YY1AP1: variants seen among roughly 807,000 people sequenced by gnomAD.
YY1AP1 encodes YY1 associated protein 1.
Under a neutral mutation model 39.9 loss-of-function variants are expected in YY1AP1, and 43 were observed. That is an observed-to-expected ratio of 1.08 (90% CI 0.84 to 1.39). The LOEUF (loss-of-function observed/expected upper bound fraction) is 1.39, where lower values mean the gene tolerates loss of function less well. Ranked by LOEUF, YY1AP1 falls within the 40% of genes most tolerant of loss-of-function variation. The probability of loss-of-function intolerance (pLI) is 0.00; values close to 1 mark genes in which losing one functional copy is unlikely to be tolerated. For missense variants in YY1AP1, 813 were observed against 900.7 expected, an observed-to-expected ratio of 0.90 and a Z score of 1.25; for synonymous variants, 292 against 331.3, an observed-to-expected ratio of 0.88 and a Z score of 1.29.
intron 9 of YY1AP1, among the ~76,000 whole-genome samples, chr1:155,663,478 T>C (rs997746846): frequency 2.6e-5 from 4 of 152,002 alleles, no homozygotes; most frequent in African/African-American, 9.7e-5. Flanking sequence ...CCCAGCACTC[T>C]GGGAGGCTGA....
At chr1:155,672,008 C>T (rs912525465) in intron 7 of YY1AP1, among the ~76,000 whole-genome samples, 1 of 152,226 alleles carries the variant, frequency 6.6e-6, no homozygotes, top group African/African-American at 2.4e-5. Flanking sequence ...TCAAAAAATA[C>T]TAAACCAATG....
Position 155,667,144 on chromosome 1 carries a change from C to T in YY1AP1, c.879+1483G>A, listed in dbSNP as rs148590336. 3.2e-4 allele frequency among the ~76,000 whole-genome samples: 48 copies of T among 152,308 alleles called. 1 individual carries two copies. Among genetic ancestry groups the T allele is most frequent in the African/African-American group, 9.6e-4 (40 of 41,560 alleles). On this transcript the variant is annotated intron_variant, in intron 9 of 10. Coordinates refer to ENST00000355499, the MANE Select transcript of YY1AP1 (RefSeq NM_139119.3). Reference sequence around the variant, plus strand: ...AAGGCTGCAGTGAGCTATGACTATACCACTGTACTCCAGCCTAGGCAGGAG... The same window carrying T: ...AAGGCTGCAGTGAGCTATGACTATATCACTGTACTCCAGCCTAGGCAGGAG...
At chr1:155,681,318 C>T (rs780091605) in intron 2 of YY1AP1, among the ~76,000 whole-genome samples, 3 of 152,174 alleles carry the variant, frequency 2.0e-5, no homozygotes, top group Non-Finnish European at 2.9e-5. Flanking sequence ...GCATGAGCCA[C>T]CATGACCAGC....
intron 2 of YY1AP1, among the ~76,000 whole-genome samples, chr1:155,680,727 C>T (rs976495381): frequency 5.3e-5 from 8 of 152,048 alleles, no homozygotes; most frequent in Admixed American, 2.6e-4. Context: ...CTGTCATGCC[C>T]GGCTAATTCT....
intron 7 of YY1AP1, 189 bp from the exon 8 acceptor site, chr1:155,670,653 A>T: frequency 1.8e-6 from 1 of 554,712 alleles, no homozygotes; most frequent in East Asian, 3.2e-5. Context: ...AGGGAGTCCC[A>T]TTCACTGGCA....
intron 7 of YY1AP1, chr1:155,672,283 C>T (rs1398770299): frequency 3.9e-6 from 2 of 509,798 alleles, no homozygotes; most frequent in East Asian, 3.6e-5. Flanking sequence ...CCTCATATTG[C>T]TGTAGTCCAA....
chr1:155,660,942 G>A (rs761726956), intron 10 of YY1AP1, 29 bp from the exon 11 acceptor site: 1 of 1,613,704 alleles, frequency 6.2e-7, no homozygotes, highest in Admixed American at 1.7e-5. Context: ...CTCTGATCCA[G>A]CACATGTCAG....
intron 5 of YY1AP1, 82 bp downstream of exon 5, chr1:155,676,466 G>C: frequency 1.3e-6 from 2 of 1,521,726 alleles, no homozygotes; most frequent in African/African-American, 2.8e-5. Context: ...CATTTACAAA[G>C]CTGCTAATTT....
At position 155,660,267 on chromosome 1, in the gene YY1AP1, A is replaced by C; in HGVS notation, c.1643T>G (p.Ile548Ser). 6.2e-7 allele frequency: 1 copy of C among 1,614,204 alleles called. No individual in the cohort carries two copies. The highest frequency in any genetic ancestry group is 8.5e-7 in the Non-Finnish European group (1 of 1,180,048). ...AGTGAAGATAACAGATGCAGGGTGG[A>C]TAACAGGGGCAGGTTTGATACAGCG... ...AFRCIKPAPV[I>S]HPASVIFTVP... is the part of the protein sequence containing the mutation. Residue 548 changes from isoleucine to serine, a missense_variant, in exon 11 of 11, where the codon ATC (isoleucine) becomes AGC (serine). This residue lies in a region of YY1AP1 where 586 missense variants were observed against 647.4 expected (regional missense o/e 0.91). Transcript: ENST00000355499.
Position 155,673,884 on chromosome 1 carries a change from G to A in YY1AP1, c.411+1126C>T, listed in dbSNP as rs914891720. Among the ~76,000 whole-genome samples, 13 of 152,086 alleles carry A rather than the reference G, an allele frequency of 8.5e-5. No individual in the cohort carries two copies. The South Asian group carries it at 1.0e-3, about 12-fold the overall frequency. On this transcript the variant is annotated intron_variant, in intron 6 of 10. Coordinates refer to ENST00000355499, the MANE Select transcript of YY1AP1 (RefSeq NM_139119.3). ...CAAATTTAAAATCTCAAAATAGGCC[G>A]GGCGCGGTGGCTCACGCCTGTAATC...
intron 3 of YY1AP1, chr1:155,679,792 T>C: frequency 7.8e-7 from 1 of 1,276,552 alleles, no homozygotes; most frequent in Non-Finnish European, 1.0e-6. Flanking sequence ...AATATCTTTT[T>C]AGACAAATTT....
At chr1:155,670,675 CTTTTT>C (rs58881636) in intron 7 of YY1AP1, 32 of 326,196 alleles carry the variant, frequency 9.8e-5, no homozygotes, top group East Asian at 3.7e-4. Context: ...TAAAAGTTGA[CTTTTT>C]TTTTTTTTTT....
At chr1:155,684,133 A>T (rs1651890347) in intron 2 of YY1AP1, among the ~76,000 whole-genome samples, 1 of 152,178 alleles carries the variant, frequency 6.6e-6, no homozygotes, top group Non-Finnish European at 1.5e-5. Context: ...CTGTAATCCC[A>T]GCTATTTGGG....
At position 155,687,926 on chromosome 1, in the gene YY1AP1, C is replaced by T. The variant is rs554490532; in HGVS notation, c.-21+145G>A. ...GACTTCCCGGTAGGCTCAGGATCCC[C>T]CTCCCTGCTCTCCCCTCCCCCATCT... is the stretch of plus-strand genomic sequence containing the variant. On this transcript the variant is annotated intron_variant, in intron 2 of 10. Transcript: ENST00000355499. 3.5e-4 allele frequency: 333 copies of T among 949,610 alleles called. 1 individual carries two copies. The highest frequency in any genetic ancestry group is 3.1e-5 in the Admixed American group (1 of 32,672). 58.8% of individuals were successfully genotyped at this position (949,610 alleles called of 1,614,324 possible). A position where few individuals can be genotyped will look rare whatever the true frequency, so the allele number is the denominator to read the frequency against.
Position 155,660,208 on chromosome 1 carries a change from C to T in YY1AP1, c.1702G>A (p.Gly568Ser). 1 of 1,614,156 alleles carries T rather than the reference C, an allele frequency of 6.2e-7. No individual in the cohort carries two copies. Among genetic ancestry groups the T allele is most frequent in the South Asian group, 1.1e-5 (1 of 91,086 alleles). ...PATTVKIVSL[G>S]GGCNMIQPVN... ...GGCTGGATCATGTTACAGCCACCGC[C>T]AAGGCTCACAATCTTCACAGTGGTA... Residue 568 changes from glycine to serine, a missense_variant, in exon 11 of 11, where the codon GGC becomes AGC. Gly to Ser is a moderately conservative substitution (Grantham distance 56). This residue lies in a region of YY1AP1 where 586 missense variants were observed against 647.4 expected (regional missense o/e 0.91). Coordinates refer to ENST00000355499, the MANE Select transcript of YY1AP1 (RefSeq NM_139119.3).
Position 155,670,344 on chromosome 1 carries a change from A to G in YY1AP1, c.704T>C (p.Ile235Thr), listed in dbSNP as rs759369550. The G allele has an allele frequency of 1.2e-6, 2 of 1,612,430 alleles. No individual in the cohort carries two copies. The highest frequency in any genetic ancestry group is 3.3e-5 in the Admixed American group (2 of 59,978). Reference protein sequence around the residue: ...SLKAKNPQDKILFTKAEDNLL... With the variant: ...SLKAKNPQDKTLFTKAEDNLL... Reference sequence around the variant, plus strand: ...CTTGTCCTCAGCCTTGGTGAAGAGGATCTTATCCTGGGGATTCTTTGCCTT... The same window carrying G: ...CTTGTCCTCAGCCTTGGTGAAGAGGGTCTTATCCTGGGGATTCTTTGCCTT... The change falls in exon 8 of 11, where the codon ATC (isoleucine) becomes ACC (threonine). Residue 235 changes from isoleucine to threonine, a missense_variant. Ile to Thr is a moderately conservative substitution (Grantham distance 89). Around this residue, in one of 3 missense-constraint regions of YY1AP1, gnomAD observed 586 missense variants for 647.4 expected, o/e 0.91. Transcript: ENST00000355499.
At chr1:155,661,714 G>A (rs1487465252) in intron 9 of YY1AP1, among the ~76,000 whole-genome samples, 1 of 152,192 alleles carries the variant, frequency 6.6e-6, no homozygotes, top group Non-Finnish European at 1.5e-5. Context: ...GGAGTGCAAT[G>A]GCGCGATCTC....
chr1:155,670,294 T>C (rs1265290910), intron 8 of YY1AP1, 26 bp downstream of exon 8: 2 of 1,611,730 alleles, frequency 1.2e-6, no homozygotes, highest in African/African-American at 2.7e-5. Context: ...CCTTGGGATA[T>C]TTGATCCCCC....
At chr1:155,663,440 G>A (rs1372824287) in intron 9 of YY1AP1, among the ~76,000 whole-genome samples, 1 of 151,184 alleles carries the variant, frequency 6.6e-6, no homozygotes, top group African/African-American at 2.4e-5. Context: ...CCATGGATAC[G>A]CCAGGCATGG....
Sources: allele counts gnomAD v4.1 joint callset (sites outside exome capture counted in the v4.1 genomes callset), GRCh38; gene constraint gnomAD v4.1.1; regional missense constraint gnomAD v4.1.1; transcripts MANE v1.5; gene names NCBI Gene and HGNC (gene_info 2026-07-23, HGNC 2026-07-21).